Variants in KAT2B observed in about 807,000 individuals in gnomAD.
KAT2B encodes histone acetyltransferase KAT2B.
A neutral mutation model predicts 105.9 loss-of-function variants in KAT2B; 36 were observed. The ratio of observed to expected loss-of-function variants is 0.34; its 90% CI spans 0.26 to 0.45. The LOEUF is 0.45. Ranked by LOEUF, KAT2B falls within the 20% of genes least tolerant of loss-of-function variation. The pLI, the probability that KAT2B is intolerant of heterozygous loss-of-function variation, is 1.00. For synonymous variants in KAT2B, 397 were observed against 377.9 expected (o/e 1.05, Z -0.59); for missense variants, 820 against 1,021.6 (o/e 0.80, Z 2.69).
intron 9 of KAT2B, among the ~76,000 whole-genome samples, chr3:20,124,800 C>T (rs551109497): frequency 5.9e-5 from 9 of 152,236 alleles, no homozygotes; most frequent in East Asian, 1.9e-4. Context: ...TAGCATGGCA[C>T]CTGGTTACCT....
At chr3:20,061,587 C>T (rs908841592) in intron 1 of KAT2B, among the ~76,000 whole-genome samples, 1 of 151,876 alleles carries the variant, frequency 6.6e-6, no homozygotes, top group African/African-American at 2.4e-5. Context: ...CATTTTACGT[C>T]TTCAGCAGGA....
At chr3:20,072,215 C>A in intron 1 of KAT2B, 118 bp from the exon 2 acceptor site, 1 of 1,069,296 alleles carries the variant, frequency 9.4e-7, no homozygotes, top group Non-Finnish European at 1.4e-6. Context: ...TGGCAGACGA[C>A]AAAGTCAGGG....
At chr3:20,145,920 G>A (rs1257551042) in intron 13 of KAT2B, among the ~76,000 whole-genome samples, 4 of 152,172 alleles carry the variant, frequency 2.6e-5, no homozygotes. Flanking sequence ...TCCTAGTTAT[G>A]GGAAGTGAAG....
In KAT2B at chr3:20,119,707, A is replaced by C. The variant is rs369812781; in HGVS notation, c.1260A>C (p.Gly420=). ...GTCCTGCCTGCAAAGCCTCTTCTGG[A>C]CTTGAGGCAAACCCAGGTAAGCTCT... is the stretch of plus-strand genomic sequence containing the variant. ...SSSPACKASS[G]LEANPGEKRK... Residue 420 remains glycine, a synonymous_variant, in exon 8 of 18, where the codon GGA becomes GGC. Transcript: ENST00000263754. 185 of 1,614,056 alleles carry C rather than the reference A, an allele frequency of 1.1e-4. 1 individual carries two copies. The highest frequency in any genetic ancestry group is 7.4e-4 in the East Asian group (33 of 44,872).
At chr3:20,050,037 TA>T (rs1388552445) in intron 1 of KAT2B, among the ~76,000 whole-genome samples, 5 of 151,916 alleles carry the variant, frequency 3.3e-5, no homozygotes, top group African/African-American at 1.2e-4. Flanking sequence ...CGGTCTCTAC[TA>T]AAAATACAAA....
intron 13 of KAT2B, among the ~76,000 whole-genome samples, chr3:20,143,376 A>C (rs1025508547): frequency 6.6e-6 from 1 of 152,186 alleles, no homozygotes; most frequent in Non-Finnish European, 1.5e-5. Flanking sequence ...AGAAGTTAAA[A>C]AAATAACAGA....
At chr3:20,040,880 CCT>C in intron 1 of KAT2B, 100 bp downstream of exon 1, 1 of 1,341,164 alleles carries the variant, frequency 7.5e-7, no homozygotes, top group African/African-American at 1.5e-5. Context: ...CCGCCTCCTG[CCT>C]CTCGCCTCCC....
chr3:20,073,018 T>C (rs1206493852), intron 2 of KAT2B, among the ~76,000 whole-genome samples: 1 of 152,118 alleles, frequency 6.6e-6, no homozygotes, highest in Non-Finnish European at 1.5e-5. Flanking sequence ...TGCAAAATAA[T>C]CATTGTCAGT....
intron 1 of KAT2B, among the ~76,000 whole-genome samples, chr3:20,056,052 G>A (rs1371984476): frequency 6.6e-6 from 1 of 152,146 alleles, no homozygotes; most frequent in Non-Finnish European, 1.5e-5. Flanking sequence ...CATCTGGGCT[G>A]TTTCCAGTGA....
At chr3:20,054,185 A>G (rs1309701241) in intron 1 of KAT2B, among the ~76,000 whole-genome samples, 1 of 150,742 alleles carries the variant, frequency 6.6e-6, no homozygotes, top group Non-Finnish European at 1.5e-5. Context: ...GCTGCAGTGC[A>G]GTGGCGCGAT....
chr3:20,051,199 C>CA (rs61279125), intron 1 of KAT2B, among the ~76,000 whole-genome samples: 53,962 of 113,158 alleles, frequency 0.48, 11,700 homozygotes, highest in African/African-American at 0.52. Context: ...TACTCTGTCT[C>CA]AAAAAAAAAA....
chr3:20,095,060 C>A (rs1213354391), intron 2 of KAT2B, among the ~76,000 whole-genome samples: 1 of 152,124 alleles, frequency 6.6e-6, no homozygotes, highest in Non-Finnish European at 1.5e-5. Context: ...GAGGCTAAGG[C>A]TCAAGAACAT....
At chr3:20,122,323 A>C (rs563908849) in intron 8 of KAT2B, among the ~76,000 whole-genome samples, 2 of 152,366 alleles carry the variant, frequency 1.3e-5, no homozygotes, top group Admixed American at 1.3e-4. Context: ...TGTCATATGG[A>C]CCATGTTCTC....
chr3:20,128,641 C>CTCTCATCTAT (rs1300334942), intron 11 of KAT2B, among the ~76,000 whole-genome samples: 1 of 152,104 alleles, frequency 6.6e-6, no homozygotes, highest in Non-Finnish European at 1.5e-5. Context: ...ACAGAAAGAG[C>CTCTCATCTAT]TCTCATCTAT....
chr3:20,095,228 A>G (rs1349170621), intron 2 of KAT2B, 35 bp from the exon 3 acceptor site: 1 of 1,573,492 alleles, frequency 6.4e-7, no homozygotes, highest in South Asian at 1.1e-5. Context: ...TTTCCAATTG[A>G]GGTCTTACAT....
intron 5 of KAT2B, among the ~76,000 whole-genome samples, chr3:20,104,243 G>A (rs1698960011): frequency 6.6e-6 from 1 of 152,174 alleles, no homozygotes; most frequent in South Asian, 2.1e-4. Context: ...AACTTGCTGA[G>A]AGAAACAGAA....
chr3:20,070,301 CTT>C (rs1182885803), intron 1 of KAT2B, among the ~76,000 whole-genome samples: 1 of 130,828 alleles, frequency 7.6e-6, no homozygotes, highest in Non-Finnish European at 1.6e-5. Flanking sequence ...TCTTTTCTTT[CTT>C]TCTTTCTTTT....
chr3:20,148,058 C>A, intron 15 of KAT2B, 59 bp downstream of exon 15: 1 of 1,551,950 alleles, frequency 6.4e-7, no homozygotes, highest in South Asian at 1.2e-5. Flanking sequence ...CCCCACCAAG[C>A]AACTTAAAGA....
At chr3:20,102,761 A>T (rs915692737) in intron 5 of KAT2B, among the ~76,000 whole-genome samples, 2 of 152,154 alleles carry the variant, frequency 1.3e-5, no homozygotes, top group African/African-American at 2.4e-5. Context: ...CTTTTTTATA[A>T]CTTTTCTATA....
Sources: gnomAD v4.1 joint callset for allele counts (sites outside exome capture counted in the v4.1 genomes callset) on GRCh38, gnomAD v4.1.1 for gene constraint, MANE v1.5 for transcripts, NCBI Gene and HGNC (gene_info 2026-07-23, HGNC 2026-07-21) for gene names.